KDM3B: variants seen among roughly 807,000 people sequenced by gnomAD.
KDM3B encodes lysine demethylase 3B.
A neutral mutation model predicts 170.0 loss-of-function variants in KDM3B; 10 were observed. That is an observed-to-expected ratio of 0.06 (90% CI 0.04 to 0.10). KDM3B has a LOEUF of 0.10. Among genes scored for constraint, KDM3B ranks in the 10% least tolerant of loss-of-function variants. The probability of loss-of-function intolerance (pLI) is 1.00; values close to 1 mark genes in which losing one functional copy is unlikely to be tolerated. For missense variants in KDM3B, 1,394 were observed against 2,195.2 expected (o/e 0.64, Z 7.29); for synonymous variants, 831 against 834.8 (o/e 1.00, Z 0.08).
At chr5:138,369,718 G>A (rs1405259214) in intron 1 of KDM3B, among the ~76,000 whole-genome samples, 1 of 152,166 alleles carries the variant, frequency 6.6e-6, no homozygotes, top group Non-Finnish European at 1.5e-5. Flanking sequence ...CACATCTGAA[G>A]TGATCTTATG....
chr5:138,435,428 C>T (rs1338773383), intron 23 of KDM3B, among the ~76,000 whole-genome samples, 192 bp from the exon 24 acceptor site: 1 of 152,220 alleles, frequency 6.6e-6, no homozygotes, highest in Non-Finnish European at 1.5e-5. Context: ...TGGCCTTTCA[C>T]ATAACTTCAT....
At chr5:138,379,376 T>G (rs1369003881) in intron 4 of KDM3B, among the ~76,000 whole-genome samples, 1 of 152,144 alleles carries the variant, frequency 6.6e-6, no homozygotes, top group Non-Finnish European at 1.5e-5. Flanking sequence ...AAATGAAGAA[T>G]TTACAAAGAC....
At chr5:138,403,951 A>C (rs1284054287) in intron 11 of KDM3B, among the ~76,000 whole-genome samples, 1 of 152,098 alleles carries the variant, frequency 6.6e-6, no homozygotes, top group African/African-American at 2.4e-5. Flanking sequence ...CCCAAATGAA[A>C]ACTTCCAGAG....
chr5:138,413,253 C>T (rs946827648), intron 11 of KDM3B, among the ~76,000 whole-genome samples: 4 of 151,836 alleles, frequency 2.6e-5, no homozygotes, highest in South Asian at 2.1e-4. Context: ...CATAGTGGCA[C>T]GCACTTGTAG....
intron 9 of KDM3B, among the ~76,000 whole-genome samples, chr5:138,397,711 A>G (rs1177510139): frequency 2.0e-5 from 3 of 151,974 alleles, no homozygotes; most frequent in African/African-American, 7.3e-5. Context: ...AAATACAAAA[A>G]TTAGCTGGGC....
intron 11 of KDM3B, among the ~76,000 whole-genome samples, chr5:138,400,363 G>A (rs1161516209): frequency 6.6e-6 from 1 of 151,826 alleles, no homozygotes; most frequent in Non-Finnish European, 1.5e-5. Context: ...AGAGTGCTGG[G>A]AATCATAGGC....
intron 5 of KDM3B, among the ~76,000 whole-genome samples, chr5:138,381,307 T>C (rs1174231604): frequency 1.3e-5 from 2 of 152,258 alleles, no homozygotes; most frequent in African/African-American, 4.8e-5. Context: ...AATTCACTTC[T>C]TTCATTCATT....
At position 138,427,192 on chromosome 5, in the gene KDM3B, T is replaced by C; in HGVS notation, c.4506T>C (p.Phe1502=). Reference sequence around the variant, plus strand: ...CATCTTTCCTGCACTTTTATAGGTTTGAAGATCTGATGGAGAACCTTCCTC... The same window carrying C: ...CATCTTTCCTGCACTTTTATAGGTTCGAAGATCTGATGGAGAACCTTCCTC... ...EDFRDMMPTR[F]EDLMENLPLP... The change falls in exon 19 of 24, where the codon TTT becomes TTC. Residue 1502 remains phenylalanine (F), a synonymous_variant. Coordinates refer to ENST00000314358, the MANE Select transcript of KDM3B (RefSeq NM_016604.4). The C allele has an allele frequency of 1.2e-6, 2 of 1,612,408 alleles. No individual in the cohort carries two copies. The highest frequency in any genetic ancestry group is 4.5e-5 in the East Asian group (2 of 44,822).
At chr5:138,395,789 T>G (rs1762531345) in intron 9 of KDM3B, among the ~76,000 whole-genome samples, 1 of 151,892 alleles carries the variant, frequency 6.6e-6, no homozygotes. Flanking sequence ...GCTAATTTTT[T>G]GTATTTTTGG....
chr5:138,430,269 A>G lies in KDM3B; in HGVS notation c.4914A>G (p.Gln1638=), dbSNP rs1763497321. ...LLRKVGEEQG[Q]ENPPDHDPIH... ...TTCAGGTTGGAGAAGAACAAGGCCA[A>G]GAGAACCCCCCTGATCATGACCCAA... is the stretch of plus-strand genomic sequence containing the variant. The change falls in exon 22 of 24, where the codon CAA becomes CAG. Residue 1638 remains glutamine (Q), a synonymous_variant. Coordinates refer to ENST00000314358, the MANE Select transcript of KDM3B (RefSeq NM_016604.4). The G allele has an allele frequency of 1.2e-6, 2 of 1,613,994 alleles. No individual in the cohort carries two copies. Among genetic ancestry groups the G allele is most frequent in the Admixed American group, 3.3e-5 (2 of 59,988 alleles).
intron 1 of KDM3B, among the ~76,000 whole-genome samples, chr5:138,371,454 C>CAAA (rs747631161): frequency 1.8e-5 from 1 of 56,662 alleles, no homozygotes. Context: ...GACCCTGTCT[C>CAAA]AAAAAAAAAA....
chr5:138,421,395 T>G (rs1453335991), intron 15 of KDM3B, among the ~76,000 whole-genome samples: 1 of 152,252 alleles, frequency 6.6e-6, no homozygotes, highest in South Asian at 2.1e-4. Context: ...ATCTCTGCCC[T>G]TGTGATTGCT....
intron 1 of KDM3B, among the ~76,000 whole-genome samples, chr5:138,361,414 C>A (rs543417147): frequency 6.6e-6 from 1 of 151,446 alleles, no homozygotes; most frequent in East Asian, 1.9e-4. Flanking sequence ...TAACCAAACT[C>A]TGGAGACTGA....
rs1374389729 is a variant in KDM3B, at chr5:138,381,734, G to A, written c.780+144G>A. 7 of 581,580 alleles carry A rather than the reference G, an allele frequency of 1.2e-5. No individual in the cohort carries two copies. In the African/African-American group the frequency reaches 1.3e-4, roughly 11 times the overall value. The allele number at this position is 581,580 out of a possible 1,614,324, so 36.0% of individuals were successfully genotyped here. A position where few individuals can be genotyped will look rare whatever the true frequency, so the allele number is the denominator to read the frequency against. The stretch of plus-strand genomic sequence containing the variant: ...TGTACATTTTTTTGCTCTCTCCACA[G>A]TCTGTCTAATTAAGGGGGGATATTC... On this transcript the variant is annotated intron_variant, in intron 6 of 23. Coordinates refer to ENST00000314358, the MANE Select transcript of KDM3B (RefSeq NM_016604.4).
At chr5:138,431,196 G>A (rs1297125814) in intron 22 of KDM3B, among the ~76,000 whole-genome samples, 3 of 151,980 alleles carry the variant, frequency 2.0e-5, no homozygotes, top group Non-Finnish European at 2.9e-5. Context: ...GAGCTCAAGC[G>A]ATCAACCTGC....
intron 13 of KDM3B, among the ~76,000 whole-genome samples, chr5:138,418,246 AT>A (rs1763159981): frequency 6.6e-6 from 1 of 151,664 alleles, no homozygotes; most frequent in African/African-American, 2.4e-5. Context: ...CACCTGGGTA[AT>A]TTTTTTATTT....
intron 1 of KDM3B, among the ~76,000 whole-genome samples, chr5:138,354,502 T>C (rs1240971288): frequency 6.6e-6 from 1 of 152,236 alleles, no homozygotes; most frequent in Non-Finnish European, 1.5e-5. Context: ...TAGCTATTCA[T>C]TGGGATTTTT....
At position 138,391,290 on chromosome 5, in the gene KDM3B, G is replaced by C. The variant is rs1209637781; in HGVS notation, c.1658G>C (p.Ser553Thr). Reference sequence around the variant, plus strand: ...GAGAGTTTGGCTGATGATTCTTCTAGTCGGGACTCATTCAAACAAAGCCTT... The same window carrying C: ...GAGAGTTTGGCTGATGATTCTTCTACTCGGGACTCATTCAAACAAAGCCTT... Reference protein sequence around the residue: ...VSESLADDSSSRDSFKQSLES... With the variant: ...VSESLADDSSTRDSFKQSLES... The change falls in exon 8 of 24, where the codon AGT becomes ACT. Residue 553 changes from serine (S) to threonine (T), a missense_variant. Around this residue, in one of 19 missense-constraint regions of KDM3B, gnomAD observed 294 missense variants for 311.7 expected, o/e 0.94. Coordinates refer to ENST00000314358, the MANE Select transcript of KDM3B (RefSeq NM_016604.4). This position sits in a 1 kb window ranked among gnomAD's most constrained non-coding sequence, Gnocchi z 5.0. 1 of 1,614,126 alleles carries C rather than the reference G, an allele frequency of 6.2e-7. No individual in the cohort carries two copies. The highest frequency in any genetic ancestry group is 1.7e-5 in the Admixed American group (1 of 60,026).
intron 11 of KDM3B, among the ~76,000 whole-genome samples, chr5:138,412,968 G>A (rs770971025): frequency 5.3e-5 from 8 of 152,118 alleles, no homozygotes; most frequent in African/African-American, 2.4e-5. Flanking sequence ...GAACAGATAC[G>A]TCACCAAAAA....
Sources: allele counts gnomAD v4.1 joint callset (sites outside exome capture counted in the v4.1 genomes callset), GRCh38; gene constraint gnomAD v4.1.1; regional missense constraint gnomAD v4.1.1; non-coding constraint Gnocchi (gnomAD v3.1); transcripts MANE v1.5; gene names NCBI Gene and HGNC (gene_info 2026-07-23, HGNC 2026-07-21).